The following STK17A variants were observed in gnomAD, a reference collection of about 807,000 sequenced individuals.
STK17A encodes serine/threonine kinase 17a.
STK17A carries 26 observed loss-of-function variants against 43.7 expected under a neutral mutation model. The ratio of observed to expected loss-of-function variants is 0.60; its 90% CI spans 0.44 to 0.83. The LOEUF (loss-of-function observed/expected upper bound fraction) is 0.83, where lower values mean the gene tolerates loss of function less well. Among genes scored for constraint, STK17A ranks in the 40% least tolerant of loss-of-function variants. The pLI is 0.00. For synonymous variants in STK17A, 191 were observed against 182.5 expected (o/e 1.05, Z -0.38); for missense variants, 476 against 511.6 (o/e 0.93, Z 0.67).
At chr7:43,608,480 C>CACTGTTTGAACAA (rs1230343081) in intron 3 of STK17A, 80 bp downstream of exon 3, 1 of 1,494,860 alleles carries the variant, frequency 6.7e-7, no homozygotes, top group Non-Finnish European at 9.0e-7. Flanking sequence ...TTTATTCAAA[C>CACTGTTTGAACAA]ATGTTTCACG....
intron 1 of STK17A, among the ~76,000 whole-genome samples, chr7:43,583,962 G>A (rs1210386656): frequency 6.6e-6 from 1 of 152,090 alleles, no homozygotes; most frequent in Non-Finnish European, 1.5e-5. Context: ...ATTCATTTTC[G>A]TTTTCTTGGT....
In STK17A at chr7:43,624,590, C is replaced by G. The variant is rs1350086474; in HGVS notation, c.993C>G (p.Phe331Leu). The change falls in exon 7 of 7, where the codon TTC becomes TTG. Residue 331 changes from phenylalanine (F) to leucine (L), a missense_variant. By Grantham distance (22) the Phe-to-Leu change is conservative (BLOSUM62 0). Coordinates refer to ENST00000319357, the MANE Select transcript of STK17A (RefSeq NM_004760.3). ...LTQSSIQEPS[F>L]RMEKALEEAN... is the part of the protein sequence containing the mutation. ...AGAGCAGTATTCAAGAGCCTTCTTT[C>G]AGGATGGAAAAGGCACTAGAAGAAG... 5 of 1,613,952 alleles carry G rather than the reference C, an allele frequency of 3.1e-6. No individual in the cohort carries two copies. The highest frequency in any genetic ancestry group is 2.5e-6 in the Non-Finnish European group (3 of 1,180,008).
At position 43,619,683 on chromosome 7, in the gene STK17A, T is replaced by C; in HGVS notation, c.651T>C (p.Ser217=). 1.2e-6 allele frequency: 2 copies of C among 1,614,094 alleles called. No homozygotes were observed. The highest frequency in any genetic ancestry group is 1.7e-6 in the Non-Finnish European group (2 of 1,179,982). Residue 217 remains serine (S), a synonymous_variant, in exon 4 of 7, where the codon AGT becomes AGC. Transcript: ENST00000319357. The part of the protein sequence containing the change: ...DFGLSRILKN[S]EELREIMGTP... ...GCCTTTCAAGAATATTGAAGAACAGTGAAGAGCTCCGAGAAATTATGGGTA... is the reference window on the plus strand; with the variant it reads ...GCCTTTCAAGAATATTGAAGAACAGCGAAGAGCTCCGAGAAATTATGGGTA...
At chr7:43,610,570 G>T (rs913833998) in intron 3 of STK17A, among the ~76,000 whole-genome samples, 1 of 151,958 alleles carries the variant, frequency 6.6e-6, no homozygotes, top group East Asian at 1.9e-4. Context: ...CAGAGGCTGA[G>T]GGGGGAGAAT....
At chr7:43,622,747 C>T (rs186550844) in intron 4 of STK17A, 175 of 151,378 alleles carry the variant, frequency 1.2e-3, no homozygotes, top group African/African-American at 4.1e-3. Context: ...ATCACCCAGG[C>T]TGGAGTGCAC....
intron 3 of STK17A, chr7:43,609,511 A>G (rs2082674393): frequency 2.0e-5 from 3 of 152,268 alleles, no homozygotes; most frequent in Admixed American, 2.0e-4. Flanking sequence ...AGAACAAAGA[A>G]TGGGTGCTCA....
intron 2 of STK17A, among the ~76,000 whole-genome samples, chr7:43,605,239 A>G (rs2082580728): frequency 6.6e-6 from 1 of 152,224 alleles, no homozygotes; most frequent in Non-Finnish European, 1.5e-5. Context: ...GTAAAATGAC[A>G]TACATTTGGA....
rs10233697 is a variant in STK17A, at chr7:43,624,599, A to G, written c.1002A>G (p.Glu334=). The G allele has an allele frequency of 0.19, 303,526 of 1,613,892 alleles. 31,188 individuals carry two copies. Among genetic ancestry groups the G allele is most frequent in the Non-Finnish European group, 0.21 (251,348 of 1,179,878 alleles). Residue 334 remains glutamate (E), a synonymous_variant, in exon 7 of 7, where the codon GAA becomes GAG. Transcript: ENST00000319357. ...TTCAAGAGCCTTCTTTCAGGATGGA[A>G]AAGGCACTAGAAGAAGCAAATGCCC... ...SSIQEPSFRM[E]KALEEANALQ...
chr7:43,590,426 A>C (rs978643698), intron 1 of STK17A, among the ~76,000 whole-genome samples: 1 of 151,336 alleles, frequency 6.6e-6, no homozygotes, highest in South Asian at 2.1e-4. Flanking sequence ...GTGGGTCTCA[A>C]TCAAATGTCA....
At chr7:43,608,186 C>A (rs902398154) in intron 2 of STK17A, 70 bp from the exon 3 acceptor site, 3 of 1,425,550 alleles carry the variant, frequency 2.1e-6, no homozygotes, top group Non-Finnish European at 2.9e-6. Context: ...TTAATTTACT[C>A]TGTAGTTTTG....
At chr7:43,624,018 G>GA in intron 6 of STK17A, 130 bp downstream of exon 6, 1 of 608,454 alleles carries the variant, frequency 1.6e-6, no homozygotes, top group Non-Finnish European at 2.5e-6. Context: ...CACCATAATG[G>GA]AAACACAAAA....
chr7:43,592,283 A>G (rs2082485036), intron 1 of STK17A, among the ~76,000 whole-genome samples: 1 of 151,624 alleles, frequency 6.6e-6, no homozygotes, highest in Admixed American at 6.6e-5. Context: ...GAATTCATTT[A>G]TAGTTACTCT....
chr7:43,616,237 T>C (rs10264159), intron 3 of STK17A, among the ~76,000 whole-genome samples: 85,801 of 152,058 alleles, frequency 0.56, 24,642 homozygotes, highest in Non-Finnish European at 0.63. Context: ...ATATATTGCT[T>C]TCATGGTGCA....
chr7:43,608,198 T>G, intron 2 of STK17A, 58 bp from the exon 3 acceptor site: 2 of 1,504,598 alleles, frequency 1.3e-6, no homozygotes, highest in Non-Finnish European at 1.8e-6. Flanking sequence ...GTAGTTTTGG[T>G]GTAAGTGTTC....
intron 1 of STK17A, among the ~76,000 whole-genome samples, chr7:43,595,267 C>CTT (rs57811536): frequency 0.1 from 8,780 of 88,086 alleles, 470 homozygotes; most frequent in East Asian, 0.22. Flanking sequence ...AATCAAATGG[C>CTT]TTTTTTTTTT....
intron 2 of STK17A, among the ~76,000 whole-genome samples, chr7:43,607,622 C>G (rs1321002554): frequency 1.6e-5 from 2 of 125,776 alleles, no homozygotes; most frequent in Non-Finnish European, 3.1e-5. Context: ...GCACTCCGGC[C>G]TGGTGACAGA....
chr7:43,592,459 G>GC (rs2082486346), intron 1 of STK17A, among the ~76,000 whole-genome samples: 1 of 150,620 alleles, frequency 6.6e-6, no homozygotes, highest in Non-Finnish European at 1.5e-5. Context: ...TGGAGGACAT[G>GC]AAAATTATAT....
chr7:43,601,860 G>A (rs983531990), intron 2 of STK17A, among the ~76,000 whole-genome samples: 2 of 152,080 alleles, frequency 1.3e-5, no homozygotes, highest in African/African-American at 2.4e-5. Context: ...TAGGCTCATG[G>A]TATAGCTTGG....
intron 4 of STK17A, among the ~76,000 whole-genome samples, 188 bp downstream of exon 4, chr7:43,619,911 T>C (rs2083704856): frequency 6.6e-6 from 1 of 152,236 alleles, no homozygotes; most frequent in South Asian, 2.1e-4. Flanking sequence ...AAATTGGTGA[T>C]CTCTTCACTA....
Sources: allele counts gnomAD v4.1 joint callset (sites outside exome capture counted in the v4.1 genomes callset), GRCh38; gene constraint gnomAD v4.1.1; transcripts MANE v1.5; gene names NCBI Gene and HGNC (gene_info 2026-07-23, HGNC 2026-07-21).